Variants in CNTNAP2 observed in about 807,000 individuals in gnomAD.
The protein encoded by CNTNAP2 is contactin-associated protein-like 2.
Under a neutral mutation model 155.2 loss-of-function variants are expected in CNTNAP2, and 98 were observed. The observed-to-expected ratio is 0.63, with a 90% CI of 0.54 to 0.75. CNTNAP2 has a LOEUF of 0.75. Ranked by LOEUF, CNTNAP2 falls within the 30% of genes least tolerant of loss-of-function variation. The probability of loss-of-function intolerance (pLI) is 0.00; values close to 1 mark genes in which losing one functional copy is unlikely to be tolerated. For synonymous variants in CNTNAP2, 651 were observed against 631.2 expected (o/e 1.03, Z -0.47); for missense variants, 1,727 against 1,688.1 (o/e 1.02, Z -0.40).
At chr7:147,907,310 C>T (rs930888223) in intron 14 of CNTNAP2, among the ~76,000 whole-genome samples, 2 of 152,210 alleles carry the variant, frequency 1.3e-5, no homozygotes, top group Non-Finnish European at 2.9e-5. Flanking sequence ...CCCACCTCGG[C>T]CTCCCAAAGT....
chr7:147,558,984 C>T (rs918400401), intron 11 of CNTNAP2, among the ~76,000 whole-genome samples: 5 of 152,178 alleles, frequency 3.3e-5, no homozygotes, highest in African/African-American at 1.2e-4. Flanking sequence ...CTTCAGCCCA[C>T]GTTGGCCTCC....
chr7:147,614,020 G>A (rs988039), intron 12 of CNTNAP2, among the ~76,000 whole-genome samples: 104,206 of 152,030 alleles, frequency 0.69, 36,137 homozygotes, highest in African/African-American at 0.78. Flanking sequence ...ATAAATATCT[G>A]ACAACAGGTT....
At chr7:146,933,049 G>T (rs1236047730) in intron 3 of CNTNAP2, among the ~76,000 whole-genome samples, 1 of 152,084 alleles carries the variant, frequency 6.6e-6, no homozygotes, top group Non-Finnish European at 1.5e-5. Flanking sequence ...TCCCCATCAA[G>T]CTATCAATGA....
chr7:146,435,616 T>C (rs577142371), intron 1 of CNTNAP2, among the ~76,000 whole-genome samples: 152 of 152,298 alleles, frequency 1.0e-3, no homozygotes, highest in African/African-American at 3.5e-3. Context: ...GTTTCGGAGA[T>C]GTTTGGGAGT....
chr7:147,863,548 A>T (rs754737933), intron 13 of CNTNAP2, among the ~76,000 whole-genome samples: 2 of 152,230 alleles, frequency 1.3e-5, no homozygotes, highest in Non-Finnish European at 2.9e-5. Flanking sequence ...TCCCACCAAC[A>T]GTGTAAAAGC....
chr7:146,555,248 C>G (rs1159049408), intron 1 of CNTNAP2, among the ~76,000 whole-genome samples: 2 of 152,152 alleles, frequency 1.3e-5, no homozygotes, highest in African/African-American at 4.8e-5. Context: ...CAATTCCAGA[C>G]CCACCTTCCC....
At chr7:147,822,162 G>A (rs1798372224) in intron 13 of CNTNAP2, among the ~76,000 whole-genome samples, 1 of 152,158 alleles carries the variant, frequency 6.6e-6, no homozygotes, top group African/African-American at 2.4e-5. Context: ...AGAATATGAT[G>A]GAAAGTGGAT....
intron 15 of CNTNAP2, among the ~76,000 whole-genome samples, chr7:148,037,845 A>T (rs1802599171): frequency 6.6e-6 from 1 of 152,160 alleles, no homozygotes; most frequent in Admixed American, 6.5e-5. Context: ...TGACTTAAAA[A>T]TTTTCTCAGC....
intron 1 of CNTNAP2, among the ~76,000 whole-genome samples, chr7:146,496,669 T>C (rs1797219700): frequency 6.6e-6 from 1 of 152,188 alleles, no homozygotes; most frequent in Non-Finnish European, 1.5e-5. Context: ...CCTTCTTTTT[T>C]TTCCCATATC....
chr7:147,383,291 A>G (rs1431113302), intron 9 of CNTNAP2, among the ~76,000 whole-genome samples: 1 of 152,150 alleles, frequency 6.6e-6, no homozygotes, highest in East Asian at 1.9e-4. Context: ...AGAGCGGTCT[A>G]TAAGTCTGGA....
chr7:146,752,927 G>T (rs940048344), intron 1 of CNTNAP2, among the ~76,000 whole-genome samples: 1 of 152,102 alleles, frequency 6.6e-6, no homozygotes, highest in African/African-American at 2.4e-5. Context: ...GATGTTAAAG[G>T]TTGAACCTTA....
At chr7:146,303,716 G>A (rs1187039714) in intron 1 of CNTNAP2, among the ~76,000 whole-genome samples, 6 of 152,130 alleles carry the variant, frequency 3.9e-5, no homozygotes, top group Non-Finnish European at 7.4e-5. Context: ...GAATAAGTGT[G>A]TTGTGGTGCT....
intron 12 of CNTNAP2, among the ~76,000 whole-genome samples, chr7:147,578,461 A>G (rs1442295180): frequency 6.6e-6 from 1 of 152,026 alleles, no homozygotes; most frequent in Non-Finnish European, 1.5e-5. Context: ...ACATGACCTT[A>G]TTCACATTGA....
intron 3 of CNTNAP2, among the ~76,000 whole-genome samples, chr7:146,878,447 G>GTTT (rs111411298): frequency 6.9e-6 from 1 of 144,840 alleles, no homozygotes; most frequent in African/African-American, 2.5e-5. Flanking sequence ...GTACTCTTGA[G>GTTT]TTTTTTTTTT....
chr7:147,642,012 G>A (rs1283557060), intron 13 of CNTNAP2, among the ~76,000 whole-genome samples: 1 of 63,712 alleles, frequency 1.6e-5, no homozygotes, highest in African/African-American at 5.9e-5. Context: ...GTGTGTGTGC[G>A]TGTGTGTGTG....
chr7:146,911,448 C>T (rs1796274544), intron 3 of CNTNAP2, among the ~76,000 whole-genome samples: 2 of 151,882 alleles, frequency 1.3e-5, no homozygotes, highest in South Asian at 2.1e-4. Flanking sequence ...AAATGTGGCA[C>T]ATATACACCA....
intron 1 of CNTNAP2, among the ~76,000 whole-genome samples, chr7:146,672,483 G>A (rs983122156): frequency 2.6e-5 from 4 of 152,120 alleles, no homozygotes; most frequent in African/African-American, 9.7e-5. Context: ...CATTCTCTTG[G>A]CCAAAACAAG....
At chr7:146,499,279 T>C (rs1797265245) in intron 1 of CNTNAP2, among the ~76,000 whole-genome samples, 1 of 152,096 alleles carries the variant, frequency 6.6e-6, no homozygotes, top group South Asian at 2.1e-4. Context: ...ACATCCTGGG[T>C]TCAAGCGATT....
intron 6 of CNTNAP2, among the ~76,000 whole-genome samples, chr7:147,125,916 C>G (rs142191029): frequency 1.0e-3 from 154 of 152,312 alleles, no homozygotes; most frequent in African/African-American, 3.5e-3. Context: ...GGCTGCTCCA[C>G]GATCTTCAAG....
Sources: allele counts gnomAD v4.1 joint callset (sites outside exome capture counted in the v4.1 genomes callset), GRCh38; gene constraint gnomAD v4.1.1; transcripts MANE v1.5; gene names NCBI Gene and HGNC (gene_info 2026-07-23, HGNC 2026-07-21).